The following SRGAP3 variants were observed in gnomAD, a reference collection of about 807,000 sequenced individuals.
SRGAP3 encodes the protein SLIT-ROBO Rho GTPase activating protein 3, also known as SLIT-ROBO Rho GTPase-activating protein 3.
SRGAP3 carries 39 observed loss-of-function variants against 121.1 expected under a neutral mutation model. The ratio of observed to expected loss-of-function variants is 0.32; its 90% CI spans 0.25 to 0.42. SRGAP3 has a LOEUF of 0.42. Ranked by LOEUF, SRGAP3 falls within the 10% of genes least tolerant of loss-of-function variation. The probability of loss-of-function intolerance (pLI) is 1.00; values close to 1 mark genes in which losing one functional copy is unlikely to be tolerated. For missense variants in SRGAP3, 1,213 were observed against 1,470.6 expected (o/e 0.82, Z 2.86); for synonymous variants, 601 against 570.0 (o/e 1.05, Z -0.77).
At chr3:9,262,354 T>G (rs958705401) in intron 3 of SRGAP3, among the ~76,000 whole-genome samples, 1 of 151,720 alleles carries the variant, frequency 6.6e-6, no homozygotes, top group Non-Finnish European at 1.5e-5. Context: ...AATTCACACA[T>G]AACAATATTA....
chr3:9,322,417 T>C lies in SRGAP3; in HGVS notation n.442+3593A>G, dbSNP rs896488883. Among the ~76,000 whole-genome samples the C allele has an allele frequency of 1.7e-4, 26 of 151,904 alleles. 1 individual carries two copies. In the Middle Eastern group the frequency reaches 0.01, roughly 60 times the overall value. On this transcript the variant is annotated intron_variant and non_coding_transcript_variant, in intron 3 of 3. Transcript: ENST00000490889. ...CATGTTCTATGAAACCCTGGTGATG[T>C]GGGATCTTAATACAGGGGTCCCCAA...
chr3:9,051,902 G>A (rs955668358), intron 9 of SRGAP3, among the ~76,000 whole-genome samples: 5 of 151,932 alleles, frequency 3.3e-5, no homozygotes, highest in Admixed American at 6.6e-5. Flanking sequence ...TAGTAGAGAC[G>A]GGTTTTCACC....
intron 1 of SRGAP3, among the ~76,000 whole-genome samples, chr3:9,189,353 T>C (rs1233097083): frequency 6.6e-6 from 1 of 152,242 alleles, no homozygotes; most frequent in Non-Finnish European, 1.5e-5. Flanking sequence ...CTGCTTATTC[T>C]CCATCAAATC....
At chr3:9,175,334 C>T (rs757659512) in intron 1 of SRGAP3, among the ~76,000 whole-genome samples, 5 of 152,222 alleles carry the variant, frequency 3.3e-5, no homozygotes, top group Admixed American at 1.3e-4. Context: ...TACTAGACGA[C>T]GGGTGTCCTA....
At chr3:9,025,530 A>G (rs1944152904) in intron 13 of SRGAP3, among the ~76,000 whole-genome samples, 192 bp from the exon 14 acceptor site, 1 of 152,138 alleles carries the variant, frequency 6.6e-6, no homozygotes, top group African/African-American at 2.4e-5. Context: ...AAATCCTTGG[A>G]CACATCTGCT....
chr3:9,060,380 A>T, intron 5 of SRGAP3, 21 bp from the exon 6 acceptor site: 1 of 1,602,902 alleles, frequency 6.2e-7, no homozygotes, highest in African/African-American at 1.4e-5. Flanking sequence ...AAAAGAGTAG[A>T]TGTAAGAGCA....
At chr3:9,329,497 T>G (rs1342171785) in intron 2 of SRGAP3, among the ~76,000 whole-genome samples, 5 of 152,208 alleles carry the variant, frequency 3.3e-5, no homozygotes, top group African/African-American at 1.2e-4. Flanking sequence ...AAGGCTTACA[T>G]TTGCCCTCAG....
intron 1 of SRGAP3, among the ~76,000 whole-genome samples, chr3:9,243,035 A>C (rs1046802408): frequency 3.3e-5 from 5 of 152,166 alleles, no homozygotes; most frequent in Non-Finnish European, 4.4e-5. Flanking sequence ...ATCACATGCC[A>C]AGCACTTTGG....
intron 3 of SRGAP3, among the ~76,000 whole-genome samples, chr3:9,091,951 C>CGAGTCCTT (rs1344864311): frequency 6.6e-6 from 1 of 152,094 alleles, no homozygotes; most frequent in Non-Finnish European, 1.5e-5. Flanking sequence ...AATGCAGATT[C>CGAGTCCTT]GAGTCCTTAG....
intron 10 of SRGAP3, among the ~76,000 whole-genome samples, chr3:9,041,402 G>A (rs1945005689): frequency 6.6e-6 from 1 of 152,216 alleles, no homozygotes; most frequent in Non-Finnish European, 1.5e-5. Context: ...ACACATTAGA[G>A]GACAGCTGCC....
rs757550729 is a variant in SRGAP3, at chr3:8,984,700, C to G, written c.*819G>C. ...TGGGAGTACAGTTGGCCTTTGGCCT[C>G]CGGGTGGAAGGGCAGGGTCTCTGGG... On this transcript the variant is annotated 3_prime_UTR_variant, in exon 22 of 22. Coordinates refer to ENST00000383836, the MANE Select transcript of SRGAP3 (RefSeq NM_014850.4). 9.9e-5 allele frequency: 23 copies of G among 232,726 alleles called. No homozygotes were observed. The highest frequency in any genetic ancestry group is 1.4e-4 in the Non-Finnish European group (16 of 117,468). The allele number at this position is 232,726 out of a possible 1,614,324, so 14.4% of individuals were successfully genotyped here.
chr3:9,185,590 G>A (rs1309438268), intron 1 of SRGAP3, among the ~76,000 whole-genome samples: 4 of 151,852 alleles, frequency 2.6e-5, no homozygotes, highest in African/African-American at 7.3e-5. Flanking sequence ...GGAGTGCAGT[G>A]GCAAGATTAT....
Position 9,329,568 on chromosome 3 carries a change from A to G in SRGAP3, n.283+960T>C, listed in dbSNP as rs560566756. On this transcript the variant is annotated intron_variant and non_coding_transcript_variant, in intron 2 of 3. Coordinates refer to the SRGAP3 transcript ENST00000490889. ...AAATTTCAACACATGGTGTCTGGGT[A>G]AGATGGTCACCCTGAATAACAGAAA... Among the ~76,000 whole-genome samples the G allele has an allele frequency of 2.4e-4, 36 of 152,306 alleles. 1 individual carries two copies. The highest frequency in any genetic ancestry group is 1.2e-3 in the South Asian group (6 of 4,828).
intron 1 of SRGAP3, among the ~76,000 whole-genome samples, chr3:9,232,092 G>A (rs917206390): frequency 3.9e-5 from 6 of 152,172 alleles, no homozygotes; most frequent in Admixed American, 2.6e-4. Flanking sequence ...TCCTCACTGC[G>A]TGGGGGAATA....
At chr3:9,156,886 C>T (rs1241663641) in intron 1 of SRGAP3, among the ~76,000 whole-genome samples, 1 of 152,160 alleles carries the variant, frequency 6.6e-6, no homozygotes. Context: ...GGGCCTAGAC[C>T]TCAAAGGGGC....
intron 1 of SRGAP3, among the ~76,000 whole-genome samples, chr3:9,137,481 C>T (rs73144581): frequency 0.071 from 10,722 of 152,018 alleles, 1,243 homozygotes; most frequent in African/African-American, 0.25. Context: ...TTGGCTAGTA[C>T]TTTGAAAAAA....
rs572629961 is a variant in SRGAP3, at chr3:9,335,713, G to A, written n.215-5117C>T. On this transcript the variant is annotated intron_variant and non_coding_transcript_variant, in intron 1 of 3. Coordinates refer to the SRGAP3 transcript ENST00000490889. ...ACTCTGTGGATGAAACTCAGGTATC[G>A]GGAAGACTTCACACTGGTTCTCAAT... Among the ~76,000 whole-genome samples the A allele has an allele frequency of 7.2e-5, 11 of 152,202 alleles. 1 individual carries two copies. The East Asian group carries it at 1.5e-3, about 21-fold the overall frequency.
chr3:9,358,236 A>C (rs2030622298), intron 1 of SRGAP3, among the ~76,000 whole-genome samples: 3 of 150,252 alleles, frequency 2.0e-5, no homozygotes, highest in African/African-American at 4.9e-5. Context: ...TCACCTGCCA[A>C]CCCCCTACTT....
intron 1 of SRGAP3, among the ~76,000 whole-genome samples, chr3:9,149,879 C>T (rs1950156676): frequency 6.6e-6 from 1 of 152,196 alleles, no homozygotes; most frequent in South Asian, 2.1e-4. Flanking sequence ...ACCTGTTTCC[C>T]CCATCTATTC....
Sources: allele counts gnomAD v4.1 joint callset (sites outside exome capture counted in the v4.1 genomes callset), GRCh38; gene constraint gnomAD v4.1.1; transcripts MANE v1.5; gene names NCBI Gene and HGNC (gene_info 2026-07-23, HGNC 2026-07-21).